NDRG1: variants seen among roughly 807,000 people sequenced by gnomAD.
NDRG1 encodes the protein N-myc downstream regulated 1, also known as protein NDRG1.
A neutral mutation model predicts 56.9 loss-of-function variants in NDRG1; 32 were observed. That is an observed-to-expected ratio of 0.56 (90% CI 0.42 to 0.76). NDRG1 has a LOEUF of 0.76. NDRG1 is among the 30% of genes least tolerant of loss of function. NDRG1 has a pLI of 0.00. For synonymous variants in NDRG1, 211 were observed against 204.1 expected, an observed-to-expected ratio of 1.03 and a Z score of -0.29; for missense variants, 507 against 545.7, an observed-to-expected ratio of 0.93 and a Z score of 0.71.
intron 9 of NDRG1, among the ~76,000 whole-genome samples, chr8:133,252,897 G>A (rs1377850911): frequency 1.3e-5 from 2 of 152,024 alleles, no homozygotes; most frequent in African/African-American, 4.8e-5. Context: ...GTCAACTCCA[G>A]AGTGGGGCCT....
At chr8:133,281,731 C>G (rs1857817307) in intron 2 of NDRG1, among the ~76,000 whole-genome samples, 1 of 152,184 alleles carries the variant, frequency 6.6e-6, no homozygotes, top group Non-Finnish European at 1.5e-5. Context: ...AACACAGGCC[C>G]TCGTGCTGGG....
intron 10 of NDRG1, 64 bp downstream of exon 10, chr8:133,250,376 C>T (rs1469020739): frequency 1.4e-6 from 2 of 1,398,900 alleles, no homozygotes; most frequent in Non-Finnish European, 2.0e-6. Flanking sequence ...ATCTGTCCCA[C>T]ATTTCGGATC....
rs1563640858 is a variant in NDRG1, at chr8:133,284,329, C to T, written c.-18G>A. 1 of 1,614,012 alleles carries T rather than the reference C, an allele frequency of 6.2e-7. No individual in the cohort carries two copies. Among genetic ancestry groups the T allele is most frequent in the Non-Finnish European group, 8.5e-7 (1 of 1,179,968 alleles). ...CGAGACATGTCCCTGCTGTCACCTG[C>T]CTGCAAGGAGACAAAGGCCAAAAGG... is the stretch of plus-strand genomic sequence containing the variant. On this transcript the variant is annotated splice_region_variant and 5_prime_UTR_variant, in exon 2 of 16. Coordinates refer to ENST00000323851, the MANE Select transcript of NDRG1 (RefSeq NM_006096.4).
intron 1 of NDRG1, among the ~76,000 whole-genome samples, chr8:133,290,183 T>C (rs967792192): frequency 1.3e-5 from 2 of 152,086 alleles, no homozygotes; most frequent in Admixed American, 1.3e-4. Flanking sequence ...CAAACTCTCC[T>C]GGGCCCCGCC....
chr8:133,277,912 A>T (rs1432684752), intron 3 of NDRG1, among the ~76,000 whole-genome samples: 2 of 152,154 alleles, frequency 1.3e-5, no homozygotes, highest in Admixed American at 6.5e-5. Flanking sequence ...CTAAGGGTCA[A>T]TCACCAGGAA....
At chr8:133,292,790 G>A (rs1435565817) in intron 1 of NDRG1, among the ~76,000 whole-genome samples, 4 of 152,144 alleles carry the variant, frequency 2.6e-5, no homozygotes, top group African/African-American at 9.7e-5. Flanking sequence ...GCTGCAGAAA[G>A]TCTCCCCACA....
chr8:133,245,005 G>A (rs1351188314), intron 13 of NDRG1, among the ~76,000 whole-genome samples: 1 of 152,150 alleles, frequency 6.6e-6, no homozygotes, highest in Non-Finnish European at 1.5e-5. Context: ...CGGGGAGGGT[G>A]GCCTGGGGTG....
chr8:133,259,300 T>G (rs952624466), intron 5 of NDRG1, 70 bp from the exon 6 acceptor site: 1 of 1,499,112 alleles, frequency 6.7e-7, no homozygotes, highest in Non-Finnish European at 9.3e-7. Context: ...AGGGACACGC[T>G]TGAAGGGTGG....
rs2130651702 is a variant in NDRG1, at chr8:133,237,948, G to T, written c.*930C>A. 4.3e-6 allele frequency: 1 copy of T among 233,052 alleles called. No homozygotes were observed. The highest frequency in any genetic ancestry group is 1.8e-4 in the South Asian group (1 of 5,520). The allele number at this position is 233,052 out of a possible 1,614,324, so 14.4% of individuals were successfully genotyped here. A position where few individuals can be genotyped will look rare whatever the true frequency, so the allele number is the denominator to read the frequency against. On this transcript the variant is annotated 3_prime_UTR_variant, in exon 16 of 16. Coordinates refer to ENST00000323851, the MANE Select transcript of NDRG1 (RefSeq NM_006096.4). ...CCCCCACCCCAGTGCTCCTACTCCGGCCCCTGCAAGGACACTCATCACAGC... is the reference window on the plus strand; with the variant it reads ...CCCCCACCCCAGTGCTCCTACTCCGTCCCCTGCAAGGACACTCATCACAGC...
chr8:133,293,848 C>A lies in NDRG1; in HGVS notation c.-19+3286G>T, dbSNP rs114117558. On this transcript the variant is annotated intron_variant, in intron 1 of 15. Transcript: ENST00000323851. ...ACAAGATTTTCATGACACTATTATGCAACCTACATAAGCTTAGCAAAAAGC... is the reference window on the plus strand; with the variant it reads ...ACAAGATTTTCATGACACTATTATGAAACCTACATAAGCTTAGCAAAAAGC... Among the ~76,000 whole-genome samples, 1,166 of 152,292 alleles carry A rather than the reference C, an allele frequency of 7.7e-3. 11 individuals carry two copies. The highest frequency in any genetic ancestry group is 0.026 in the African/African-American group (1,063 of 41,548).
intron 15 of NDRG1, 144 bp from the exon 16 acceptor site, chr8:133,239,263 C>T (rs1855249408): frequency 1.4e-5 from 18 of 1,317,158 alleles, no homozygotes; most frequent in Non-Finnish European, 1.7e-5. Context: ...GCTGGGCCCC[C>T]GTCCTCTCCA....
rs2130689408 is a variant in NDRG1, at chr8:133,247,923, G to A, written c.759C>T (p.Cys253=). The change falls in exon 12 of 16, where the codon TGC becomes TGT. Residue 253 remains cysteine, a synonymous_variant. Coordinates refer to ENST00000323851, the MANE Select transcript of NDRG1 (RefSeq NM_006096.4). ...TGTCCCCAACCACCAACAGAGCAGG[G>A]CACCTGGGGTCAGGGATAGAGCAGA... is the stretch of plus-strand genomic sequence containing the variant. ...MPGTHTVTLQ[C]PALLVVGDSS... is the part of the protein sequence containing the mutation. The A allele has an allele frequency of 6.2e-7, 1 of 1,614,064 alleles. No homozygotes were observed.
chr8:133,259,544 ACACTTGGCCT>A (rs1856559827), intron 5 of NDRG1: 7 of 438,846 alleles, frequency 1.6e-5, no homozygotes, highest in South Asian at 1.5e-4. Flanking sequence ...GAGAGATGAG[ACACTTGGCCT>A]CACAAGAGCA....
chr8:133,273,177 AG>A, intron 3 of NDRG1, among the ~76,000 whole-genome samples: 1 of 152,056 alleles, frequency 6.6e-6, no homozygotes, highest in African/African-American at 2.4e-5. Context: ...ACACAAACAC[AG>A]ATTCCCATGG....
chr8:133,256,753 CGGCCTGACA>C lies in NDRG1; in HGVS notation c.537+15_537+23del. The C allele has an allele frequency of 6.2e-7, 1 of 1,611,922 alleles. No individual in the cohort carries two copies. Among genetic ancestry groups the C allele is most frequent in the South Asian group, 1.1e-5 (1 of 90,946 alleles). On this transcript the variant is annotated intron_variant, in intron 8 of 15. Transcript: ENST00000323851. ...GTCCCTCTTCTTGCAGGGATCCCGC[CGGCCTGACA>C]GGCCCCCACCTCACCTTGGAGGCGG...
chr8:133,252,746 C>T (rs1856135540), intron 9 of NDRG1, among the ~76,000 whole-genome samples: 1 of 150,666 alleles, frequency 6.6e-6, no homozygotes, highest in Non-Finnish European at 1.5e-5. Flanking sequence ...AGAGTGGGGC[C>T]TCTGTTTCCC....
At chr8:133,285,672 C>T (rs1279870969) in intron 1 of NDRG1, among the ~76,000 whole-genome samples, 1 of 152,236 alleles carries the variant, frequency 6.6e-6, no homozygotes, top group Non-Finnish European at 1.5e-5. Flanking sequence ...TCCTGCTCTC[C>T]ACTGGGGTGC....
At chr8:133,241,978 C>T (rs1215524813) in intron 15 of NDRG1, 45 bp downstream of exon 15, 7 of 1,609,778 alleles carry the variant, frequency 4.3e-6, no homozygotes, top group African/African-American at 1.3e-5. Context: ...CTTCCAATTC[C>T]GACACATGCC....
rs1588214214 is a variant in NDRG1 at position 133,237,245 on chromosome 8, T to A, written c.*1633A>T. 1 of 228,686 alleles carries A rather than the reference T, an allele frequency of 4.4e-6. No individual in the cohort carries two copies. Among genetic ancestry groups the A allele is most frequent in the East Asian group, 6.2e-5 (1 of 16,064 alleles). 14.2% of individuals were successfully genotyped at this position (228,686 alleles called of 1,614,324 possible). On this transcript the variant is annotated 3_prime_UTR_variant, in exon 16 of 16. Transcript: ENST00000323851. ...CATTAAGAAACTCCTCTGGAAAGAC[T>A]TGTGCACAATAGTTTCCCATCCGTA...
Sources: allele counts gnomAD v4.1 joint callset (sites outside exome capture counted in the v4.1 genomes callset), GRCh38; gene constraint gnomAD v4.1.1; transcripts MANE v1.5; gene names NCBI Gene and HGNC (gene_info 2026-07-23, HGNC 2026-07-21).